PHF24: variants seen among roughly 807,000 people sequenced by gnomAD.
The protein encoded by PHF24 is PHD finger protein 24.
Under a neutral mutation model 42.6 loss-of-function variants are expected in PHF24, and 25 were observed. The ratio of observed to expected loss-of-function variants is 0.59; its 90% CI spans 0.43 to 0.82. PHF24 has a LOEUF of 0.82. Ranked by LOEUF, PHF24 falls within the 40% of genes least tolerant of loss-of-function variation. PHF24 has a pLI of 0.00. For synonymous variants in PHF24, 185 were observed against 204.8 expected (o/e 0.90, Z 0.83); for missense variants, 470 against 538.1 (o/e 0.87, Z 1.25).
the PHF24 span, chr9:34,837,364 T>G: frequency 2.6e-6 from 1 of 386,424 alleles, no homozygotes; most frequent in Non-Finnish European, 4.9e-6. Flanking sequence ...GCCCATGTTA[T>G]GGCAAACAAG....
chr9:34,936,269 C>A, the PHF24 span, among the ~76,000 whole-genome samples: 2 of 152,206 alleles, frequency 1.3e-5, no homozygotes, highest in Non-Finnish European at 2.9e-5. Context: ...CGGGGTTTCG[C>A]TGTGTTCGCC....
chr9:34,711,043 T>C, the PHF24 span, among the ~76,000 whole-genome samples: 1 of 151,850 alleles, frequency 6.6e-6, no homozygotes, highest in South Asian at 2.1e-4. Context: ...CTAGTTTGAA[T>C]AATACCAACT....
the PHF24 span, among the ~76,000 whole-genome samples, chr9:34,862,443 G>A: frequency 6.6e-6 from 1 of 151,890 alleles, no homozygotes; most frequent in East Asian, 2.0e-4. Context: ...CTTGCAGTTT[G>A]GTGTCCAGCC....
chr9:34,720,314 G>A, the PHF24 span, among the ~76,000 whole-genome samples: 3 of 151,982 alleles, frequency 2.0e-5, no homozygotes, highest in African/African-American at 4.8e-5. Flanking sequence ...GTGCGGTGGC[G>A]GGCGCCTGTA....
the PHF24 span, among the ~76,000 whole-genome samples, chr9:34,780,290 CTTTTTTTCTTTTTT>C: frequency 3.5e-5 from 4 of 113,962 alleles, 1 homozygote; most frequent in South Asian, 1.1e-3. Context: ...TCTTTTTTTT[CTTTTTTTCTTTTTT>C]TTTTTTTTTT....
rs1740257921 is a variant in PHF24 at position 34,976,090 on chromosome 9, C to T, written c.565-62C>T. ...CAGTTGAAATTCTATTTCTAGCCCC[C>T]TTGACCCTGGCCTTTCTTACTGGCC... On this transcript the variant is annotated intron_variant, in intron 3 of 7. Transcript: ENST00000242315. 4 of 1,159,254 alleles carry T rather than the reference C, an allele frequency of 3.5e-6. No individual in the cohort carries two copies. In the Admixed American group the frequency reaches 6.8e-5, roughly 20 times the overall value. 71.8% of individuals were successfully genotyped at this position (1,159,254 alleles called of 1,614,324 possible).
chr9:34,968,738 TTAGC>T (rs768206535), intron 1 of PHF24, among the ~76,000 whole-genome samples: 1 of 152,244 alleles, frequency 6.6e-6, no homozygotes, highest in Non-Finnish European at 1.5e-5. Flanking sequence ...CCACAATTAA[TTAGC>T]TAATTGGAAA....
chr9:34,973,128 G>A (rs1827065236), intron 3 of PHF24, among the ~76,000 whole-genome samples: 1 of 152,146 alleles, frequency 6.6e-6, no homozygotes, highest in African/African-American at 2.4e-5. Context: ...CCCCGGTAGA[G>A]AACCTCTGAG....
intron 3 of PHF24, among the ~76,000 whole-genome samples, chr9:34,975,455 T>C (rs1359325987): frequency 6.6e-6 from 1 of 152,250 alleles, no homozygotes; most frequent in East Asian, 1.9e-4. Flanking sequence ...TCTGCTCTTG[T>C]ACTTTGCGGG....
chr9:34,698,220 T>C, the PHF24 span, among the ~76,000 whole-genome samples: 1 of 151,470 alleles, frequency 6.6e-6, no homozygotes, highest in African/African-American at 2.4e-5. Context: ...ATCCTCTTGA[T>C]TGGGTGGGGG....
the PHF24 span, among the ~76,000 whole-genome samples, chr9:34,885,717 C>T: frequency 6.6e-6 from 1 of 152,120 alleles, no homozygotes; most frequent in African/African-American, 2.4e-5. Flanking sequence ...GCCCCATGCT[C>T]TTGCTCAGGC....
chr9:34,802,411 C>T, the PHF24 span, among the ~76,000 whole-genome samples: 2 of 151,744 alleles, frequency 1.3e-5, no homozygotes, highest in Admixed American at 1.3e-4. Flanking sequence ...TTTTTTTTTC[C>T]GTCATAGAAT....
the PHF24 span, chr9:34,837,583 G>T: frequency 1.6e-6 from 2 of 1,214,768 alleles, no homozygotes; most frequent in Non-Finnish European, 2.4e-6. Context: ...GGCTCCAGGG[G>T]TCATAGAGGG....
At chr9:34,889,499 G>A in the PHF24 span, 2 of 398,606 alleles carry the variant, frequency 5.0e-6, no homozygotes, top group South Asian at 2.5e-4. Context: ...TCTTCTCAAT[G>A]TTTTTTGTCC....
chr9:34,758,559 C>G, the PHF24 span, among the ~76,000 whole-genome samples: 1 of 152,136 alleles, frequency 6.6e-6, no homozygotes, highest in Non-Finnish European at 1.5e-5. The surrounding 1 kb of genome is among the most constrained non-coding windows in gnomAD (Gnocchi z 4.4). Context: ...TTCAGCAACC[C>G]TTGTGGGCTT....
chr9:34,771,376 G>C, the PHF24 span, among the ~76,000 whole-genome samples: 4 of 152,166 alleles, frequency 2.6e-5, no homozygotes, highest in African/African-American at 9.7e-5. Flanking sequence ...GTAAGTACTT[G>C]TATGCCTGAA....
chr9:34,975,495 T>C (rs925517938), intron 3 of PHF24, among the ~76,000 whole-genome samples: 11 of 152,318 alleles, frequency 7.2e-5, no homozygotes, highest in Middle Eastern at 6.8e-3. Context: ...GACCTTGTAC[T>C]AGAAAGGATC....
At chr9:34,967,045 T>C (rs951893161) in intron 1 of PHF24, among the ~76,000 whole-genome samples, 1 of 147,958 alleles carries the variant, frequency 6.8e-6, no homozygotes, top group Admixed American at 6.8e-5. Context: ...CCTAGCTAAA[T>C]TTTTTTTTTT....
chr9:34,913,343 A>AC, the PHF24 span, among the ~76,000 whole-genome samples: 7 of 151,882 alleles, frequency 4.6e-5, no homozygotes, highest in African/African-American at 1.5e-4. Flanking sequence ...AATCTCAGTG[A>AC]CCCCCCAAAC....
Sources: allele counts gnomAD v4.1 joint callset (sites outside exome capture counted in the v4.1 genomes callset), GRCh38; gene constraint gnomAD v4.1.1; non-coding constraint Gnocchi (gnomAD v3.1); transcripts MANE v1.5; gene names NCBI Gene and HGNC (gene_info 2026-07-23, HGNC 2026-07-21).